Variants in C1GALT1 observed in about 807,000 individuals in gnomAD.
The protein encoded by C1GALT1 is core 1 synthase, glycoprotein-N-acetylgalactosamine 3-beta-galactosyltransferase 1, also known as glycoprotein-N-acetylgalactosamine 3-beta-galactosyltransferase 1.
C1GALT1 carries 11 observed loss-of-function variants against 31.0 expected under a neutral mutation model. The ratio of observed to expected loss-of-function variants is 0.36; its 90% CI spans 0.22 to 0.59. The LOEUF (loss-of-function observed/expected upper bound fraction) is 0.59. Ranked by LOEUF, C1GALT1 falls within the 20% of genes least tolerant of loss-of-function variation. C1GALT1 has a pLI of 0.79. For synonymous variants in C1GALT1, 175 were observed against 143.6 expected (o/e 1.22, Z -1.56); for missense variants, 424 against 425.2 (o/e 1.00, Z 0.03).
intron 1 of C1GALT1, among the ~76,000 whole-genome samples, chr7:7,200,129 C>A (rs906683085): frequency 2.0e-5 from 3 of 152,158 alleles, no homozygotes; most frequent in Admixed American, 6.5e-5. Context: ...CAGTTTCTTC[C>A]TAGCAGCGAT....
At chr7:7,165,285 A>C (rs1295866119) in intron 2 of C1GALT1, among the ~76,000 whole-genome samples, 1 of 152,122 alleles carries the variant, frequency 6.6e-6, no homozygotes, top group African/African-American at 2.4e-5. Flanking sequence ...AAGCCCCTTT[A>C]CTCACTGTGG....
intron 1 of C1GALT1, among the ~76,000 whole-genome samples, chr7:7,215,285 A>T (rs1038635028): frequency 1.3e-5 from 2 of 152,190 alleles, no homozygotes; most frequent in East Asian, 3.9e-4. Flanking sequence ...CATGCAAAGC[A>T]CACCAGATTG....
chr7:7,181,727 C>G (rs1040124347), upstream of C1GALT1, among the ~76,000 whole-genome samples: 1 of 152,096 alleles, frequency 6.6e-6, no homozygotes, highest in South Asian at 2.1e-4. Context: ...ACTAAAGAAC[C>G]GCTTGGATAG....
intron 1 of C1GALT1, among the ~76,000 whole-genome samples, chr7:7,185,038 G>A (rs1780750174): frequency 6.6e-6 from 1 of 152,118 alleles, no homozygotes; most frequent in Admixed American, 6.5e-5. Context: ...TAATTCAAAT[G>A]TCCAAGGGGA....
chr7:7,209,873 T>C (rs1237246567), intron 1 of C1GALT1, among the ~76,000 whole-genome samples: 2 of 152,130 alleles, frequency 1.3e-5, no homozygotes, highest in Non-Finnish European at 2.9e-5. Context: ...TAAAACGGCC[T>C]ATTTATAAAA....
At chr7:7,226,194 T>C (rs1782751760) in intron 1 of C1GALT1, among the ~76,000 whole-genome samples, 1 of 151,918 alleles carries the variant, frequency 6.6e-6, no homozygotes, top group South Asian at 2.1e-4. Flanking sequence ...ATCACTTTCA[T>C]AAGGAAAATC....
At chr7:7,200,462 C>A (rs973822221) in intron 1 of C1GALT1, among the ~76,000 whole-genome samples, 3 of 152,020 alleles carry the variant, frequency 2.0e-5, no homozygotes, top group African/African-American at 7.2e-5. Context: ...TTCAGTCTGA[C>A]AATTATGTGT....
chr7:7,173,429 C>A (rs1446437495), intron 2 of C1GALT1, among the ~76,000 whole-genome samples: 1 of 152,116 alleles, frequency 6.6e-6, no homozygotes, highest in African/African-American at 2.4e-5. Context: ...ATAAATTACC[C>A]AGTCTTGGGT....
intron 1 of C1GALT1, among the ~76,000 whole-genome samples, chr7:7,204,677 G>T (rs55740843): frequency 4.6e-5 from 7 of 151,632 alleles, no homozygotes; most frequent in Non-Finnish European, 8.8e-5. Flanking sequence ...TTTTTGTTTC[G>T]TGTGTTAATA....
intron 1 of C1GALT1, among the ~76,000 whole-genome samples, chr7:7,218,566 CT>C (rs1177738251): frequency 1.3e-5 from 2 of 152,110 alleles, no homozygotes; most frequent in African/African-American, 4.8e-5. Flanking sequence ...GCTTTGCCCC[CT>C]CATTACAAGC....
intron 1 of C1GALT1, among the ~76,000 whole-genome samples, chr7:7,204,762 C>CT (rs1261988041): frequency 4.6e-5 from 7 of 152,222 alleles, no homozygotes; most frequent in Admixed American, 3.3e-4. Flanking sequence ...TCGTTTGTCT[C>CT]TAAGTATTTT....
chr7:7,204,125 T>C (rs1038982412), intron 1 of C1GALT1, among the ~76,000 whole-genome samples: 2 of 151,468 alleles, frequency 1.3e-5, no homozygotes, highest in Non-Finnish European at 2.9e-5. Context: ...TTTTGTTTTT[T>C]TTTTTGGAAA....
chr7:7,198,361 C>T (rs181513897), intron 1 of C1GALT1, among the ~76,000 whole-genome samples: 16 of 152,294 alleles, frequency 1.1e-4, no homozygotes, highest in African/African-American at 3.4e-4. Context: ...GTTGAACCAG[C>T]CTTGCATCCC....
intron 3 of C1GALT1, among the ~76,000 whole-genome samples, chr7:7,239,996 T>G (rs1783552239): frequency 6.6e-6 from 1 of 152,202 alleles, no homozygotes; most frequent in Non-Finnish European, 1.5e-5. Context: ...TTACTAATAA[T>G]GCCTTTAGGC....
rs1246380848 is a variant in C1GALT1 at position 7,233,270 on chromosome 7, TC to T, written c.-17-1032del. Among the ~76,000 whole-genome samples, 159 of 152,182 alleles carry T rather than the reference TC, an allele frequency of 1.0e-3. 1 individual carries two copies. The highest frequency in any genetic ancestry group is 3.4e-3 in the African/African-American group (143 of 41,514). ...ATAGAGCAGAGGTCAGCAAACTTTT[TC>T]TTTTTTTTTTCTGAGATAGTTTCAC... On this transcript the variant is annotated intron_variant, in intron 1 of 3. Transcript: ENST00000436587.
chr7:7,174,261 AG>A (rs1459092284), intron 2 of C1GALT1, among the ~76,000 whole-genome samples: 1 of 152,202 alleles, frequency 6.6e-6, no homozygotes, highest in Non-Finnish European at 1.5e-5. Flanking sequence ...GGAATTCTGA[AG>A]GGTACATAAA....
intron 1 of C1GALT1, chr7:7,210,717 A>G (rs555135467): frequency 4.6e-5 from 7 of 152,282 alleles, no homozygotes; most frequent in African/African-American, 1.4e-4. Context: ...ACATGGCGCC[A>G]TGATGTTCTA....
intron 1 of C1GALT1, among the ~76,000 whole-genome samples, chr7:7,189,438 A>G (rs922019448): frequency 6.6e-6 from 1 of 152,230 alleles, no homozygotes; most frequent in African/African-American, 2.4e-5. Context: ...ACAGCTGTTA[A>G]TAAACTTTAA....
At chr7:7,228,899 TTCAG>T (rs1782930721) in intron 1 of C1GALT1, among the ~76,000 whole-genome samples, 1 of 152,260 alleles carries the variant, frequency 6.6e-6, no homozygotes, top group Non-Finnish European at 1.5e-5. Flanking sequence ...CCATAAGTAC[TTCAG>T]TAGCTTTCCA....
Sources: allele counts gnomAD v4.1 joint callset (sites outside exome capture counted in the v4.1 genomes callset), GRCh38; gene constraint gnomAD v4.1.1; transcripts MANE v1.5; gene names NCBI Gene and HGNC (gene_info 2026-07-23, HGNC 2026-07-21).